NPSR1: variants seen among roughly 807,000 people sequenced by gnomAD.
NPSR1 encodes neuropeptide S receptor.
A neutral mutation model predicts 46.9 loss-of-function variants in NPSR1; 48 were observed. The observed-to-expected ratio is 1.02, with a 90% CI of 0.81 to 1.30. NPSR1 has a LOEUF of 1.30. Ranked by LOEUF, NPSR1 falls within the 50% of genes most tolerant of loss-of-function variation. NPSR1 has a pLI of 0.00. For missense variants in NPSR1, 450 were observed against 449.5 expected (o/e 1.00, Z -0.01); for synonymous variants, 176 against 168.1 (o/e 1.05, Z -0.36).
At chr7:34,690,632 T>C (rs1456912962) in intron 2 of NPSR1, among the ~76,000 whole-genome samples, 1 of 152,176 alleles carries the variant, frequency 6.6e-6, no homozygotes, top group Non-Finnish European at 1.5e-5. Context: ...GAAGAAAGAC[T>C]TTCAGAACTA....
intron 2 of NPSR1, among the ~76,000 whole-genome samples, chr7:34,714,218 G>A (rs967537611): frequency 2.6e-5 from 4 of 152,238 alleles, no homozygotes; most frequent in Non-Finnish European, 4.4e-5. Flanking sequence ...AGGACCAGGC[G>A]AAAGCTGCAA....
intron 2 of NPSR1, among the ~76,000 whole-genome samples, chr7:34,748,475 T>C (rs995131772): frequency 6.6e-6 from 1 of 151,768 alleles, no homozygotes; most frequent in African/African-American, 2.4e-5. Flanking sequence ...AGACTAGGGG[T>C]GGTGGCAGCT....
At chr7:34,669,759 G>T (rs924043909) in intron 1 of NPSR1, among the ~76,000 whole-genome samples, 1 of 152,168 alleles carries the variant, frequency 6.6e-6, no homozygotes, top group Non-Finnish European at 1.5e-5. Flanking sequence ...AGCTCTTTGA[G>T]CAGATGAGGC....
intron 3 of NPSR1, among the ~76,000 whole-genome samples, chr7:34,782,797 G>C (rs1177686311): frequency 6.6e-6 from 1 of 152,104 alleles, no homozygotes; most frequent in African/African-American, 2.4e-5. Flanking sequence ...CAATGAAATA[G>C]AGATATATGC....
intron 8 of NPSR1, among the ~76,000 whole-genome samples, chr7:34,870,800 C>G (rs1275569595): frequency 6.6e-6 from 1 of 151,550 alleles, no homozygotes; most frequent in African/African-American, 2.4e-5. Flanking sequence ...GCTTTAAATT[C>G]GTCTCATCTA....
chr7:34,877,016 C>T (rs1791592966), intron 8 of NPSR1, among the ~76,000 whole-genome samples: 1 of 152,124 alleles, frequency 6.6e-6, no homozygotes, highest in Non-Finnish European at 1.5e-5. Context: ...CTGGGCCTGC[C>T]CCCCACTCCT....
chr7:34,852,052 C>G (rs914179708), downstream of NPSR1, among the ~76,000 whole-genome samples: 2 of 152,156 alleles, frequency 1.3e-5, no homozygotes, highest in African/African-American at 2.4e-5. Context: ...AATCCCAGCA[C>G]TTTGGGAGGC....
rs78803502 is a variant in NPSR1, at chr7:34,676,138, T to C, written c.148-8414T>C. On this transcript the variant is annotated intron_variant, in intron 1 of 8. Transcript: ENST00000360581. ...TCACTCTGAAAAGGCAGTGAGTTAG[T>C]TATCACCCCTCAAATGTACATATGT... 6.4e-3 allele frequency among the ~76,000 whole-genome samples: 981 copies of C among 152,238 alleles called. 8 individuals carry two copies. The highest frequency in any genetic ancestry group is 0.022 in the African/African-American group (903 of 41,532).
At chr7:34,835,501 C>T (rs561751509) in intron 6 of NPSR1, among the ~76,000 whole-genome samples, 36 of 152,138 alleles carry the variant, frequency 2.4e-4, no homozygotes, top group Non-Finnish European at 2.9e-4. Flanking sequence ...TCCCTAAGCC[C>T]TCCTCTTTTC....
chr7:34,741,860 C>T (rs1784956844), intron 2 of NPSR1, among the ~76,000 whole-genome samples: 1 of 152,152 alleles, frequency 6.6e-6, no homozygotes, highest in South Asian at 2.1e-4. Context: ...AATGCAGCAG[C>T]TTCTTTCTTC....
chr7:34,779,586 A>G, intron 3 of NPSR1: 1 of 1,280,786 alleles, frequency 7.8e-7, no homozygotes, highest in Non-Finnish European at 1.0e-6. Context: ...ATGAATATGG[A>G]ATAGTTACAA....
intron 2 of NPSR1, among the ~76,000 whole-genome samples, chr7:34,755,600 T>C (rs1480415791): frequency 6.6e-6 from 1 of 152,202 alleles, no homozygotes; most frequent in African/African-American, 2.4e-5. Context: ...TTAGGGCTAC[T>C]ATGAATACTG....
intron 3 of NPSR1, among the ~76,000 whole-genome samples, chr7:34,808,101 G>A (rs1788798935): frequency 6.6e-6 from 1 of 152,178 alleles, no homozygotes; most frequent in Admixed American, 6.5e-5. Context: ...GGAAAAGGCA[G>A]AGCTTGGGCC....
At chr7:34,677,456 C>T (rs547797363) in intron 1 of NPSR1, among the ~76,000 whole-genome samples, 29 of 152,280 alleles carry the variant, frequency 1.9e-4, no homozygotes, top group African/African-American at 6.3e-4. Context: ...GCAAAACTAC[C>T]CTGAGTTCAC....
At position 34,849,784 on chromosome 7, in the gene NPSR1, A is replaced by T. The variant is rs1444042402; in HGVS notation, c.*129A>T. 6.7e-7 allele frequency: 1 copy of T among 1,502,362 alleles called. No homozygotes were observed. The highest frequency in any genetic ancestry group is 8.9e-7 in the Non-Finnish European group (1 of 1,128,682). 93.1% of individuals were successfully genotyped at this position (1,502,362 alleles called of 1,614,324 possible). A position where few individuals can be genotyped will look rare whatever the true frequency, so the allele number is the denominator to read the frequency against. Reference sequence around the variant, plus strand: ...CTCGTCATTACCTGGGAGATGCACAAGACAAATGTTCTAATGACTGCATGC... The same window carrying T: ...CTCGTCATTACCTGGGAGATGCACATGACAAATGTTCTAATGACTGCATGC... On this transcript the variant is annotated 3_prime_UTR_variant, in exon 9 of 9. Transcript: ENST00000360581.
intron 2 of NPSR1, among the ~76,000 whole-genome samples, chr7:34,715,874 A>G (rs1392713601): frequency 1.3e-5 from 2 of 152,210 alleles, no homozygotes; most frequent in African/African-American, 4.8e-5. Context: ...GCACCTGGGA[A>G]GCTGAACCTC....
intron 1 of NPSR1, among the ~76,000 whole-genome samples, chr7:34,661,005 C>T (rs979761936): frequency 2.0e-5 from 3 of 152,152 alleles, no homozygotes; most frequent in Non-Finnish European, 4.4e-5. Context: ...AAAATGAATG[C>T]CTTATATTTG....
At chr7:34,765,333 A>G (rs1052151414) in intron 2 of NPSR1, among the ~76,000 whole-genome samples, 5 of 152,228 alleles carry the variant, frequency 3.3e-5, no homozygotes, top group African/African-American at 1.2e-4. Flanking sequence ...CATGACTCCA[A>G]TGTTGGAGCT....
At chr7:34,659,594 C>T (rs1269366666) in intron 1 of NPSR1, among the ~76,000 whole-genome samples, 1 of 152,162 alleles carries the variant, frequency 6.6e-6, no homozygotes, top group East Asian at 1.9e-4. Flanking sequence ...AGGAGTCAGA[C>T]TTAAACTTCC....
Sources: gnomAD v4.1 joint callset for allele counts (sites outside exome capture counted in the v4.1 genomes callset) on GRCh38, gnomAD v4.1.1 for gene constraint, MANE v1.5 for transcripts, NCBI Gene and HGNC (gene_info 2026-07-23, HGNC 2026-07-21) for gene names.